Variants in SOBP observed in about 807,000 individuals in gnomAD.
The protein encoded by SOBP is sine oculis binding protein homolog.
A neutral mutation model predicts 53.6 loss-of-function variants in SOBP; 4 were observed. That is an observed-to-expected ratio of 0.07 (90% confidence interval 0.04 to 0.17). SOBP has a LOEUF of 0.17. SOBP is among the 10% of genes least tolerant of loss of function. The probability of loss-of-function intolerance (pLI) is 1.00; values close to 1 mark genes in which losing one functional copy is unlikely to be tolerated. For missense variants in SOBP, 1,088 were observed against 1,204.7 expected, an observed-to-expected ratio of 0.90 and a Z score of 1.43; for synonymous variants, 584 against 522.6, an observed-to-expected ratio of 1.12 and a Z score of -1.60.
Position 107,635,370 on chromosome 6 carries a change from G to A in SOBP, c.2526G>A (p.Pro842=). Residue 842 remains proline (P), a synonymous_variant, in exon 6 of 7, where the codon CCG becomes CCA. Coordinates refer to ENST00000317357, the MANE Select transcript of SOBP (RefSeq NM_018013.4). This position sits in a 1 kb window ranked among gnomAD's most constrained non-coding sequence, Gnocchi z 4.5. The part of the protein sequence containing the change: ...PKPAEKAAMA[P]CIISSPMLSA... ...CCGCGGAGAAGGCTGCCATGGCACC[G>A]TGCATCATCTCCTCGCCCATGCTCA... 6.2e-7 allele frequency: 1 copy of A among 1,613,522 alleles called. No individual in the cohort carries two copies. Among genetic ancestry groups the A allele is most frequent in the South Asian group, 1.1e-5 (1 of 91,084 alleles).
At chr6:107,589,994 A>G (rs1785693031) in intron 5 of SOBP, among the ~76,000 whole-genome samples, 1 of 152,244 alleles carries the variant, frequency 6.6e-6, no homozygotes, top group African/African-American at 2.4e-5. Flanking sequence ...AAAAGGGAAC[A>G]TTTAGAGCCA....
Position 107,535,637 on chromosome 6 carries a change from G to GTGTGT in SOBP, c.573+2028_573+2029insGTGTT, listed in dbSNP as rs1490854669. Among the ~76,000 whole-genome samples the GTGTGT allele has an allele frequency of 3.5e-3, 469 of 135,300 alleles. 5 individuals are homozygous for GTGTGT. Among genetic ancestry groups the GTGTGT allele is most frequent in the African/African-American group, 0.012 (440 of 37,316 alleles). 88.8% of individuals were successfully genotyped at this position (135,300 alleles called of 152,430 possible). A position where few individuals can be genotyped will look rare whatever the true frequency, so the allele number is the denominator to read the frequency against. On this transcript the variant is annotated intron_variant, in intron 4 of 6. Transcript: ENST00000317357. ...CTTGTGTGTGTGTGTGTGTGTGTGT[G>GTGTGT]TTTTTTTTTTTTCCAAATAGAGAAA...
At chr6:107,643,930 A>T (rs1771441794) in intron 6 of SOBP, among the ~76,000 whole-genome samples, 1 of 152,232 alleles carries the variant, frequency 6.6e-6, no homozygotes, top group Non-Finnish European at 1.5e-5. Flanking sequence ...AAAAATCATA[A>T]ACAAGATTGG....
intron 5 of SOBP, among the ~76,000 whole-genome samples, chr6:107,601,643 C>T (rs1786183212): frequency 6.6e-6 from 1 of 152,186 alleles, no homozygotes; most frequent in Non-Finnish European, 1.5e-5. Flanking sequence ...CTTCCTCTCT[C>T]TGTGTGTGAT....
At chr6:107,592,862 T>C (rs1178451858) in intron 5 of SOBP, among the ~76,000 whole-genome samples, 1 of 152,236 alleles carries the variant, frequency 6.6e-6, no homozygotes, top group Non-Finnish European at 1.5e-5. Flanking sequence ...TAAACTATCT[T>C]GGAAAAATAG....
intron 5 of SOBP, among the ~76,000 whole-genome samples, chr6:107,625,208 C>T (rs545633158): frequency 1.7e-4 from 26 of 152,250 alleles, no homozygotes; most frequent in Non-Finnish European, 3.5e-4. Context: ...CTGGGGCTTG[C>T]AGTAGTCACA....
intron 3 of SOBP, among the ~76,000 whole-genome samples, chr6:107,525,229 A>G (rs1295077550): frequency 6.6e-6 from 1 of 152,190 alleles, no homozygotes; most frequent in Non-Finnish European, 1.5e-5. Context: ...CACAGTGAAC[A>G]CTGAGAAGCA....
chr6:107,517,845 G>C (rs913121118), intron 3 of SOBP, among the ~76,000 whole-genome samples: 2 of 152,018 alleles, frequency 1.3e-5, no homozygotes, highest in African/African-American at 4.8e-5. Flanking sequence ...AACCATAATG[G>C]AAAAAGTTAA....
rs1772205269 is a variant in SOBP at position 107,659,495 on chromosome 6, G to GA, written c.*1298dup. ...AAAAAAAAAGAAAAAGAAAAGAAGA[G>GA]AAAAAATTAAGAAAAAAATCAAAAA... On this transcript the variant is annotated 3_prime_UTR_variant, in exon 7 of 7. Transcript: ENST00000317357. 7.7e-6 allele frequency: 1 copy of GA among 130,262 alleles called. No individual in the cohort carries two copies. Among genetic ancestry groups the GA allele is most frequent in the African/African-American group, 2.8e-5 (1 of 35,304 alleles). The allele number at this position is 130,262 out of a possible 1,614,324, so 8.1% of individuals were successfully genotyped here.
intron 1 of SOBP, among the ~76,000 whole-genome samples, chr6:107,492,195 A>G (rs947996101): frequency 6.6e-6 from 1 of 152,140 alleles, no homozygotes; most frequent in African/African-American, 2.4e-5. Flanking sequence ...TAAGACCGGT[A>G]GAAGTTGTTG....
chr6:107,491,043 G>T (rs1356454935), intron 1 of SOBP, among the ~76,000 whole-genome samples: 1 of 152,112 alleles, frequency 6.6e-6, no homozygotes, highest in East Asian at 1.9e-4. Flanking sequence ...GGACGGTGCA[G>T]TTTCTCCCCC....
chr6:107,615,856 A>G (rs1445330223), intron 5 of SOBP, among the ~76,000 whole-genome samples: 1 of 150,362 alleles, frequency 6.7e-6, no homozygotes, highest in Non-Finnish European at 1.5e-5. Context: ...CCTTGTCTCT[A>G]AAAAAAAATT....
At chr6:107,644,028 G>A (rs114662866) in intron 6 of SOBP, among the ~76,000 whole-genome samples, 4 of 152,202 alleles carry the variant, frequency 2.6e-5, no homozygotes, top group Non-Finnish European at 4.4e-5. Context: ...ACACGTGAGC[G>A]TGGTGGCTCA....
chr6:107,520,520 G>A (rs1488546732), intron 3 of SOBP, among the ~76,000 whole-genome samples: 1 of 152,140 alleles, frequency 6.6e-6, no homozygotes, highest in Non-Finnish European at 1.5e-5. Context: ...TCCGGAGGCA[G>A]CCCAGAACTT....
chr6:107,567,467 A>G (rs1784952156), intron 4 of SOBP, among the ~76,000 whole-genome samples: 1 of 152,220 alleles, frequency 6.6e-6, no homozygotes, highest in Non-Finnish European at 1.5e-5. Flanking sequence ...ATTAATGTGT[A>G]TATACCTAAT....
In SOBP at chr6:107,658,432, C is replaced by T. The variant is rs1316328851; in HGVS notation, c.*229C>T. ...GACCCACCAAGCAGGCCCAGCCTTC[C>T]TGCTGCCACCATCTCTGCTTCTCCC... On this transcript the variant is annotated 3_prime_UTR_variant, in exon 7 of 7. Coordinates refer to ENST00000317357, the MANE Select transcript of SOBP (RefSeq NM_018013.4). The T allele has an allele frequency of 6.6e-6, 1 of 152,656 alleles. No homozygotes were observed. The highest frequency in any genetic ancestry group is 1.5e-5 in the Non-Finnish European group (1 of 68,086). 9.5% of individuals were successfully genotyped at this position (152,656 alleles called of 1,614,324 possible).
At chr6:107,517,379 A>G (rs1439968739) in intron 3 of SOBP, among the ~76,000 whole-genome samples, 1 of 152,130 alleles carries the variant, frequency 6.6e-6, no homozygotes, top group Non-Finnish European at 1.5e-5. Context: ...TGGAGTGTAG[A>G]TCACTGCCTT....
In SOBP at chr6:107,621,793, C is replaced by T. The variant is rs556486994; in HGVS notation, c.670-11721C>T. ...AACATCCATAGTGAGCTTAAGACCACAGCCTGGCCCAAAAACCTCCTCATT... is the reference window on the plus strand; with the variant it reads ...AACATCCATAGTGAGCTTAAGACCATAGCCTGGCCCAAAAACCTCCTCATT... On this transcript the variant is annotated intron_variant, in intron 5 of 6. Transcript: ENST00000317357. 3.0e-4 allele frequency among the ~76,000 whole-genome samples: 46 copies of T among 152,328 alleles called. No individual in the cohort carries two copies. The South Asian group carries it at 8.9e-3, about 29-fold the overall frequency.
chr6:107,656,317 AAG>A (rs1334447692), intron 6 of SOBP, among the ~76,000 whole-genome samples: 1 of 39,468 alleles, frequency 2.5e-5, no homozygotes, highest in Non-Finnish European at 7.0e-5. Flanking sequence ...GAAAGAAAGA[AAG>A]AAAGAAAGAA....
Sources: allele counts gnomAD v4.1 joint callset (sites outside exome capture counted in the v4.1 genomes callset), GRCh38; gene constraint gnomAD v4.1.1; non-coding constraint Gnocchi (gnomAD v3.1); transcripts MANE v1.5; gene names NCBI Gene and HGNC (gene_info 2026-07-23, HGNC 2026-07-21).